Variants in SHCBP1 observed in about 807,000 individuals in gnomAD.
SHCBP1 encodes the protein SHC SH2 domain-binding protein 1.
In SHCBP1, 60 loss-of-function variants were observed where a neutral mutation model predicts 75.1. The observed-to-expected ratio is 0.80, with a 90% CI of 0.65 to 0.99. The LOEUF is 0.99. Ranked by LOEUF, SHCBP1 falls within the 50% of genes least tolerant of loss-of-function variation. The pLI is 0.00. For synonymous variants in SHCBP1, 290 were observed against 293.2 expected (o/e 0.99, Z 0.11); for missense variants, 709 against 809.4 (o/e 0.88, Z 1.50).
intron 8 of SHCBP1, 52 bp downstream of exon 8, chr16:46,603,487 T>G: frequency 1.2e-6 from 2 of 1,604,658 alleles, no homozygotes; most frequent in Non-Finnish European, 1.7e-6. Flanking sequence ...GATTTATTGT[T>G]TACTTAAACA....
chr16:46,589,185 G>C (rs564079477), intron 10 of SHCBP1, among the ~76,000 whole-genome samples: 60 of 152,232 alleles, frequency 3.9e-4, no homozygotes, highest in Admixed American at 1.4e-3. Context: ...AATAATAAGA[G>C]CTGTTTATGA....
At chr16:46,593,994 C>T (rs1308215884) in intron 10 of SHCBP1, among the ~76,000 whole-genome samples, 1 of 151,994 alleles carries the variant, frequency 6.6e-6, no homozygotes, top group Non-Finnish European at 1.5e-5. Context: ...GATTTTAAGA[C>T]TTAATGTATA....
At chr16:46,610,852 A>G (rs896234487) in intron 4 of SHCBP1, among the ~76,000 whole-genome samples, 2 of 151,936 alleles carry the variant, frequency 1.3e-5, no homozygotes, top group Non-Finnish European at 2.9e-5. Context: ...CCCAGTCCCC[A>G]TGGGTCATTT....
chr16:46,613,819 G>A (rs1379030072), intron 4 of SHCBP1, among the ~76,000 whole-genome samples: 1 of 152,142 alleles, frequency 6.6e-6, no homozygotes, highest in Non-Finnish European at 1.5e-5. Context: ...CCTTGACTAA[G>A]GACCTGGCAC....
intron 9 of SHCBP1, among the ~76,000 whole-genome samples, chr16:46,597,433 T>C (rs942228588): frequency 6.6e-6 from 1 of 152,196 alleles, no homozygotes; most frequent in South Asian, 2.1e-4. Flanking sequence ...GTTGTGTTTA[T>C]ACTAATGAGC....
At position 46,578,899 on chromosome 16, in the gene SHCBP1, A is replaced by G. The variant is rs1964830709; in HGVS notation, c.*2830T>C. ...GTTCTTATGAGCTCATCAGTGTTCTATTGAACTTTCTTCAATCTCCCTCTG... is the reference window on the plus strand; with the variant it reads ...GTTCTTATGAGCTCATCAGTGTTCTGTTGAACTTTCTTCAATCTCCCTCTG... On this transcript the variant is annotated 3_prime_UTR_variant, in exon 13 of 13. Transcript: ENST00000303383. 6.6e-6 allele frequency among the ~76,000 whole-genome samples: 1 copy of G among 152,208 alleles called. No individual in the cohort carries two copies. The highest frequency in any genetic ancestry group is 6.5e-5 in the Admixed American group (1 of 15,284).
At chr16:46,606,800 G>C (rs1265290759) in intron 5 of SHCBP1, among the ~76,000 whole-genome samples, 1 of 151,418 alleles carries the variant, frequency 6.6e-6, no homozygotes, top group Non-Finnish European at 1.5e-5. Context: ...AAACCAGGTA[G>C]AACTATTAAT....
intron 1 of SHCBP1, among the ~76,000 whole-genome samples, chr16:46,618,627 G>T (rs1386748910): frequency 6.6e-6 from 1 of 152,082 alleles, no homozygotes; most frequent in African/African-American, 2.4e-5. Context: ...TGAGGTTTTG[G>T]GGAGAAGTAG....
intron 8 of SHCBP1, among the ~76,000 whole-genome samples, chr16:46,601,585 G>A (rs1178370429): frequency 6.6e-6 from 1 of 152,154 alleles, no homozygotes; most frequent in Non-Finnish European, 1.5e-5. Context: ...ACAAGGCTTT[G>A]GGGGCCCTAG....
At chr16:46,583,781 G>T in intron 11 of SHCBP1, 124 bp from the exon 12 acceptor site, 2 of 1,135,756 alleles carry the variant, frequency 1.8e-6, no homozygotes, top group Non-Finnish European at 2.5e-6. Context: ...CCATGTTGTA[G>T]CACAGTCTGC....
intron 10 of SHCBP1, among the ~76,000 whole-genome samples, chr16:46,584,612 A>G (rs190294709): frequency 6.6e-6 from 1 of 152,222 alleles, no homozygotes; most frequent in East Asian, 1.9e-4. Context: ...GAGTCCAACA[A>G]TGGCTTTCCC....
At position 46,603,968 on chromosome 16, in the gene SHCBP1, C is replaced by T. The variant is rs371989932; in HGVS notation, c.1092+7G>A. On this transcript the variant is annotated splice_region_variant and intron_variant, in intron 7 of 12. Coordinates refer to ENST00000303383, the MANE Select transcript of SHCBP1 (RefSeq NM_024745.5). ...AAGCCACCTGGAGTGAGAAACTCTCCGTTTACCTGAATTTCTCTTTCTTCC... is the reference window on the plus strand; with the variant it reads ...AAGCCACCTGGAGTGAGAAACTCTCTGTTTACCTGAATTTCTCTTTCTTCC... The T allele has an allele frequency of 4.0e-5, 64 of 1,601,320 alleles. 1 individual carries two copies. The highest frequency in any genetic ancestry group is 1.6e-4 in the Admixed American group (9 of 56,092).
chr16:46,617,298 T>A (rs577452015), intron 3 of SHCBP1, among the ~76,000 whole-genome samples: 1 of 152,066 alleles, frequency 6.6e-6, no homozygotes, highest in African/African-American at 2.4e-5. Context: ...AATAAATAAA[T>A]AAAAATGCCT....
chr16:46,615,371 C>A (rs1330327137), intron 4 of SHCBP1, among the ~76,000 whole-genome samples: 1 of 152,106 alleles, frequency 6.6e-6, no homozygotes, highest in African/African-American at 2.4e-5. Context: ...CCCTAACCCC[C>A]ACATCATTCA....
chr16:46,615,415 A>G lies in SHCBP1; in HGVS notation c.596+531T>C, dbSNP rs563348729. Among the ~76,000 whole-genome samples, 5 of 152,292 alleles carry G rather than the reference A, an allele frequency of 3.3e-5. No individual in the cohort carries two copies. The East Asian group carries it at 5.8e-4, about 18-fold the overall frequency. The stretch of plus-strand genomic sequence containing the variant: ...CTATACTAGTTTTGTCAGCTTTTCT[A>G]TAAGTTTGAAATTATCATAAAATGA... On this transcript the variant is annotated intron_variant, in intron 4 of 12. Coordinates refer to ENST00000303383, the MANE Select transcript of SHCBP1 (RefSeq NM_024745.5).
At chr16:46,611,929 A>G (rs1432112791) in intron 4 of SHCBP1, among the ~76,000 whole-genome samples, 1 of 152,238 alleles carries the variant, frequency 6.6e-6, no homozygotes, top group Non-Finnish European at 1.5e-5. Context: ...CTGATATTCT[A>G]TCACTTTCTT....
rs771455106 is a variant in SHCBP1 at position 46,621,345 on chromosome 16, C to T, written c.15G>A (p.Ser5=). 1 of 1,611,208 alleles carries T rather than the reference C, an allele frequency of 6.2e-7. No homozygotes were observed. Among genetic ancestry groups the T allele is most frequent in the Non-Finnish European group, 8.5e-7 (1 of 1,179,084 alleles). The stretch of plus-strand genomic sequence containing the variant: ...CTGCCTCCAGACCGCCGCCCGTCAG[C>T]GACCCGTCAGCCATTTCAAATTTCC... MADG[S]LTGGGLEAAA... The change falls in exon 1 of 13, where the codon TCG becomes TCA. Residue 5 remains serine (S), a synonymous_variant. Coordinates refer to ENST00000303383, the MANE Select transcript of SHCBP1 (RefSeq NM_024745.5).
At chr16:46,587,809 C>G (rs543364060) in intron 10 of SHCBP1, among the ~76,000 whole-genome samples, 2 of 152,216 alleles carry the variant, frequency 1.3e-5, no homozygotes, top group Admixed American at 1.3e-4. Context: ...CTGCACCAAG[C>G]GGACCTAATA....
Position 46,581,544 on chromosome 16 carries a change from T to G in SHCBP1, c.*185A>C. On this transcript the variant is annotated 3_prime_UTR_variant, in exon 13 of 13. Transcript: ENST00000303383. ...TTTTCTATTTTATATGCATTTATGA[T>G]TTTTCTTATAAAGAGGGAGTGTTTT... is the stretch of plus-strand genomic sequence containing the variant. 1.8e-6 allele frequency: 1 copy of G among 563,538 alleles called. No individual in the cohort carries two copies. The highest frequency in any genetic ancestry group is 3.5e-5 in the Admixed American group (1 of 28,696). 34.9% of individuals were successfully genotyped at this position (563,538 alleles called of 1,614,324 possible).
Sources: gnomAD v4.1 joint callset for allele counts (sites outside exome capture counted in the v4.1 genomes callset) on GRCh38, gnomAD v4.1.1 for gene constraint, MANE v1.5 for transcripts, NCBI Gene and HGNC (gene_info 2026-07-23, HGNC 2026-07-21) for gene names.